Variants in SLC16A12 observed in about 807,000 individuals in gnomAD.
SLC16A12 encodes the protein monocarboxylate transporter 12.
SLC16A12 carries 17 observed loss-of-function variants against 42.4 expected under a neutral mutation model. The ratio of observed to expected loss-of-function variants is 0.40; its 90% CI spans 0.27 to 0.60. The LOEUF (loss-of-function observed/expected upper bound fraction) is 0.60. SLC16A12 is among the 20% of genes least tolerant of loss of function. The pLI is 0.42. For synonymous variants in SLC16A12, 224 were observed against 229.4 expected, an observed-to-expected ratio of 0.98 and a Z score of 0.21; for missense variants, 544 against 623.0, an observed-to-expected ratio of 0.87 and a Z score of 1.35.
At chr10:89,467,922 C>T (rs966861287) in intron 2 of SLC16A12, 7 of 152,074 alleles carry the variant, frequency 4.6e-5, no homozygotes, top group African/African-American at 1.7e-4. Flanking sequence ...AGGCAACAAG[C>T]CCCTGGCAAA....
upstream of SLC16A12, among the ~76,000 whole-genome samples, chr10:89,538,369 C>A (rs191346658): frequency 1.5e-4 from 23 of 152,322 alleles, no homozygotes; most frequent in Admixed American, 1.3e-3. Context: ...TAATTATAAT[C>A]GTAATTAAAA....
Position 89,441,264 on chromosome 10 carries a change from T to C in SLC16A12, c.305-13A>G, listed in dbSNP as rs1235390910. 6.2e-7 allele frequency: 1 copy of C among 1,613,828 alleles called. No individual in the cohort carries two copies. The highest frequency in any genetic ancestry group is 1.7e-5 in the Admixed American group (1 of 59,970). ...CTCCCAAGTGGAGCTTCAAAAACAA[T>C]AAGAAATAGGTTCAACAGAAAGGCC... On this transcript the variant is annotated splice_polypyrimidine_tract_variant and intron_variant, in intron 4 of 7. Coordinates refer to ENST00000371790, the MANE Select transcript of SLC16A12 (RefSeq NM_213606.4).
At chr10:89,519,809 C>T (rs900441967) in intron 2 of SLC16A12, among the ~76,000 whole-genome samples, 12 of 152,082 alleles carry the variant, frequency 7.9e-5, no homozygotes, top group Admixed American at 4.6e-4. Context: ...TTTATAATCC[C>T]AGACATATAA....
intron 3 of SLC16A12, among the ~76,000 whole-genome samples, chr10:89,449,920 T>A (rs1324014206): frequency 6.6e-6 from 1 of 151,658 alleles, no homozygotes; most frequent in African/African-American, 2.4e-5. Flanking sequence ...AAGAAAAAAA[T>A]CAAACAACCC....
chr10:89,459,488 T>C (rs1050601012), intron 3 of SLC16A12, among the ~76,000 whole-genome samples: 3 of 150,018 alleles, frequency 2.0e-5, no homozygotes, highest in Non-Finnish European at 4.4e-5. Flanking sequence ...AGTTATGTAT[T>C]GGAAAGGGCA....
intron 2 of SLC16A12, among the ~76,000 whole-genome samples, chr10:89,488,249 T>C (rs556888259): frequency 6.6e-6 from 1 of 152,008 alleles, no homozygotes; most frequent in East Asian, 1.9e-4. Flanking sequence ...TTTTAAAAGA[T>C]CCATCAAAAA....
chr10:89,537,812 A>AG (rs528939686), upstream of SLC16A12, among the ~76,000 whole-genome samples: 245 of 152,322 alleles, frequency 1.6e-3, 2 homozygotes, highest in East Asian at 0.013. Context: ...CACCACTTAC[A>AG]GGGGGCTCTA....
intron 2 of SLC16A12, among the ~76,000 whole-genome samples, chr10:89,551,621 G>C (rs1843771639): frequency 6.6e-6 from 1 of 152,160 alleles, no homozygotes; most frequent in Admixed American, 6.5e-5. Context: ...GGACCCAGTG[G>C]AAGATCATTT....
At chr10:89,526,322 C>T (rs1843451720) in intron 2 of SLC16A12, among the ~76,000 whole-genome samples, 1 of 152,136 alleles carries the variant, frequency 6.6e-6, no homozygotes, top group South Asian at 2.1e-4. Flanking sequence ...GATCTTTGAC[C>T]CATCTCACCC....
At chr10:89,455,325 T>C (rs573357806) in intron 3 of SLC16A12, among the ~76,000 whole-genome samples, 1 of 152,332 alleles carries the variant, frequency 6.6e-6, no homozygotes, top group East Asian at 1.9e-4. Context: ...ACCATGTCTG[T>C]CCCTTGTCAC....
intron 2 of SLC16A12, among the ~76,000 whole-genome samples, chr10:89,480,749 C>T (rs1410713229): frequency 2.0e-5 from 3 of 152,064 alleles, no homozygotes; most frequent in African/African-American, 7.2e-5. Flanking sequence ...TTCATCTTTC[C>T]AAGTCAATTT....
intron 2 of SLC16A12, among the ~76,000 whole-genome samples, chr10:89,465,462 C>T (rs989227781): frequency 6.6e-6 from 1 of 152,180 alleles, no homozygotes; most frequent in Admixed American, 6.5e-5. Context: ...ACTTGACCAG[C>T]TGTGAAATTT....
At position 89,436,849 on chromosome 10, in the gene SLC16A12, GA is replaced by G. The variant is rs1278721888; in HGVS notation, c.1029-531del. On this transcript the variant is annotated intron_variant, in intron 6 of 7. Coordinates refer to ENST00000371790, the MANE Select transcript of SLC16A12 (RefSeq NM_213606.4). ...AAGGAAGGAAATAAGGAGAAAGAAA[GA>G]AAAGAAAGAAATAAAGAAAAAGAAA... Among the ~76,000 whole-genome samples the G allele has an allele frequency of 2.0e-4, 13 of 65,294 alleles. 1 individual carries two copies. In the East Asian group the frequency reaches 2.3e-3, roughly 12 times the overall value. 42.8% of individuals were successfully genotyped at this position (65,294 alleles called of 152,430 possible).
At chr10:89,443,223 G>C (rs1417127545) in intron 4 of SLC16A12, among the ~76,000 whole-genome samples, 1 of 152,128 alleles carries the variant, frequency 6.6e-6, no homozygotes, top group Non-Finnish European at 1.5e-5. Flanking sequence ...CTCTAAGCAT[G>C]AAGATTTATA....
chr10:89,543,519 A>C (rs575871986), intron 2 of SLC16A12, among the ~76,000 whole-genome samples: 18 of 152,148 alleles, frequency 1.2e-4, no homozygotes, highest in Non-Finnish European at 2.4e-4. Context: ...AGGCTAATTG[A>C]GATTTGTACT....
At chr10:89,445,802 C>A (rs1841990790) in intron 3 of SLC16A12, among the ~76,000 whole-genome samples, 2 of 152,270 alleles carry the variant, frequency 1.3e-5, no homozygotes, top group South Asian at 2.1e-4. Flanking sequence ...TACTAACAAA[C>A]TTCTCCGAGC....
At chr10:89,433,481 G>C (rs1348683167) in intron 7 of SLC16A12, among the ~76,000 whole-genome samples, 155 bp from the exon 8 acceptor site, 1 of 152,180 alleles carries the variant, frequency 6.6e-6, no homozygotes, top group East Asian at 1.9e-4. Flanking sequence ...ATATTGTGCA[G>C]CAACTGAAAA....
intron 2 of SLC16A12, among the ~76,000 whole-genome samples, chr10:89,472,297 GT>G (rs1842508845): frequency 2.7e-5 from 1 of 36,410 alleles, no homozygotes; most frequent in Non-Finnish European, 6.8e-5. Flanking sequence ...TAATAATAAT[GT>G]AATAATAAAA....
At chr10:89,556,593 T>C (rs889623063) in exon 1 of SLC16A12, 3 of 152,290 alleles carry the variant, frequency 2.0e-5, no homozygotes, top group Non-Finnish European at 4.4e-5. Context: ...TTTCTGGAGC[T>C]GGTTTCTGAC....
Sources: gnomAD v4.1 joint callset for allele counts (sites outside exome capture counted in the v4.1 genomes callset) on GRCh38, gnomAD v4.1.1 for gene constraint, MANE v1.5 for transcripts, NCBI Gene and HGNC (gene_info 2026-07-23, HGNC 2026-07-21) for gene names.